The following SLC44A5 variants were observed in gnomAD, a reference collection of about 807,000 sequenced individuals.
SLC44A5 encodes choline transporter-like protein 5.
In SLC44A5, 57 loss-of-function variants were observed where a neutral mutation model predicts 101.8. The ratio of observed to expected loss-of-function variants is 0.56; its 90% CI spans 0.45 to 0.70. The LOEUF (loss-of-function observed/expected upper bound fraction) is 0.70. Ranked by LOEUF, SLC44A5 falls within the 30% of genes least tolerant of loss-of-function variation. The pLI, the probability that SLC44A5 is intolerant of heterozygous loss-of-function variation, is 0.00. For synonymous variants in SLC44A5, 281 were observed against 290.9 expected (o/e 0.97, Z 0.35); for missense variants, 737 against 853.1 (o/e 0.86, Z 1.70).
intron 1 of SLC44A5, among the ~76,000 whole-genome samples, chr1:75,589,388 A>G (rs1342301608): frequency 6.6e-6 from 1 of 152,216 alleles, no homozygotes; most frequent in Non-Finnish European, 1.5e-5. Flanking sequence ...TACTCTCTGT[A>G]GTTCTAACTC....
the SLC44A5 span, among the ~76,000 whole-genome samples, chr1:75,635,803 A>AAAAACTT: frequency 7.8e-6 from 1 of 127,512 alleles, no homozygotes; most frequent in African/African-American, 3.1e-5. Context: ...AACTTAAAGT[A>AAAAACTT]TAATAATAAT....
chr1:75,582,417 A>T, intron 1 of SLC44A5: 1 of 710,628 alleles, frequency 1.4e-6, no homozygotes, highest in Middle Eastern at 4.1e-4. Flanking sequence ...GGGAAGCATG[A>T]TCATGCCCAC....
chr1:75,644,888 T>C, the SLC44A5 span, among the ~76,000 whole-genome samples: 1 of 151,720 alleles, frequency 6.6e-6, no homozygotes, highest in Non-Finnish European at 1.5e-5. Flanking sequence ...CATGCGGTGT[T>C]TGGTTTTTTG....
chr1:75,617,023 A>G, the SLC44A5 span, among the ~76,000 whole-genome samples: 44,590 of 152,002 alleles, frequency 0.29, 7,496 homozygotes, highest in East Asian at 0.82. Context: ...TAAGGGATGA[A>G]AAGAAGTTCT....
intron 3 of SLC44A5, among the ~76,000 whole-genome samples, chr1:75,373,311 A>C (rs2101185029): frequency 6.6e-6 from 1 of 152,262 alleles, no homozygotes; most frequent in East Asian, 1.9e-4. Context: ...ACCGAGCACC[A>C]AGACCAGCTC....
intron 2 of SLC44A5, among the ~76,000 whole-genome samples, chr1:75,468,049 T>C (rs1044586518): frequency 6.6e-6 from 1 of 151,862 alleles, no homozygotes; most frequent in African/African-American, 2.4e-5. Context: ...AAAAAAGGCA[T>C]ACAAAAGGCA....
chr1:75,659,461 G>GT, the SLC44A5 span, among the ~76,000 whole-genome samples: 1 of 48,318 alleles, frequency 2.1e-5, no homozygotes, highest in Admixed American at 1.9e-4. Flanking sequence ...AGGAAGGAAG[G>GT]AAGGAAGGAA....
intron 6 of SLC44A5, among the ~76,000 whole-genome samples, chr1:75,262,383 T>C (rs1650597304): frequency 2.6e-5 from 4 of 152,112 alleles, no homozygotes; most frequent in African/African-American, 9.7e-5. Context: ...CCATTCACAA[T>C]TGCTACAAAG....
At chr1:75,659,125 G>C in the SLC44A5 span, among the ~76,000 whole-genome samples, 1 of 151,668 alleles carries the variant, frequency 6.6e-6, no homozygotes, top group Non-Finnish European at 1.5e-5. Flanking sequence ...AGATAGAACA[G>C]TAATAAAGAG....
At chr1:75,352,257 A>C (rs981225617) in intron 3 of SLC44A5, among the ~76,000 whole-genome samples, 2 of 151,988 alleles carry the variant, frequency 1.3e-5, no homozygotes, top group Non-Finnish European at 2.9e-5. Flanking sequence ...TTTGTTACAT[A>C]GGTCAAAGTG....
intron 4 of SLC44A5, among the ~76,000 whole-genome samples, chr1:75,336,714 A>T (rs779386462): frequency 6.6e-6 from 1 of 152,194 alleles, no homozygotes; most frequent in Non-Finnish European, 1.5e-5. Context: ...AAAGAGAGAG[A>T]TAAACAGAAT....
At chr1:75,312,073 A>G (rs899705968) in intron 4 of SLC44A5, among the ~76,000 whole-genome samples, 1 of 152,090 alleles carries the variant, frequency 6.6e-6, no homozygotes, top group African/African-American at 2.4e-5. Flanking sequence ...AGTTTCCCCC[A>G]TACTGTCCTC....
At chr1:75,366,246 G>C (rs938355359) in intron 3 of SLC44A5, among the ~76,000 whole-genome samples, 3 of 152,086 alleles carry the variant, frequency 2.0e-5, no homozygotes, top group Non-Finnish European at 4.4e-5. Context: ...CTCAGCTTTT[G>C]TTTGTTTGAG....
At chr1:75,528,921 G>T (rs983724236) in intron 2 of SLC44A5, among the ~76,000 whole-genome samples, 9 of 152,006 alleles carry the variant, frequency 5.9e-5, no homozygotes, top group African/African-American at 2.2e-4. Context: ...TCATGTAAAT[G>T]CCTCTTCTTA....
the SLC44A5 span, among the ~76,000 whole-genome samples, chr1:75,658,083 T>TTTG: frequency 0.24 from 36,443 of 151,706 alleles, 4,697 homozygotes; most frequent in Non-Finnish European, 0.3. Flanking sequence ...TCTTATGGTT[T>TTTG]TTGTTGTTGT....
chr1:75,549,829 A>T (rs1310813752), intron 1 of SLC44A5, among the ~76,000 whole-genome samples: 1 of 152,158 alleles, frequency 6.6e-6, no homozygotes, highest in East Asian at 1.9e-4. Context: ...AGTATTTCAG[A>T]CAAGGAACCA....
intron 2 of SLC44A5, among the ~76,000 whole-genome samples, chr1:75,523,060 T>C (rs939890015): frequency 1.3e-5 from 2 of 152,322 alleles, no homozygotes; most frequent in East Asian, 3.9e-4. Context: ...TGCATGTTTC[T>C]ATTCATTGAT....
chr1:75,569,993 G>A (rs534417025), intron 1 of SLC44A5, among the ~76,000 whole-genome samples: 6 of 152,278 alleles, frequency 3.9e-5, no homozygotes, highest in African/African-American at 9.6e-5. Flanking sequence ...TAAGCAACTC[G>A]GAAGCCAGAG....
chr1:75,284,799 G>A (rs186874366), intron 5 of SLC44A5, among the ~76,000 whole-genome samples: 6 of 152,140 alleles, frequency 3.9e-5, no homozygotes, highest in Admixed American at 2.6e-4. Context: ...CTGTTTATGT[G>A]ATGTATCACA....
Sources: allele counts gnomAD v4.1 joint callset (sites outside exome capture counted in the v4.1 genomes callset), GRCh38; gene constraint gnomAD v4.1.1; transcripts MANE v1.5; gene names NCBI Gene and HGNC (gene_info 2026-07-23, HGNC 2026-07-21).